Variants in PARVB observed in about 807,000 individuals in gnomAD.
PARVB encodes parvin beta.
Under a neutral mutation model 47.0 loss-of-function variants are expected in PARVB, and 46 were observed. That is an observed-to-expected ratio of 0.98 (90% CI 0.77 to 1.25). PARVB has a LOEUF of 1.25. PARVB is among the 50% of genes most tolerant of loss of function. PARVB has a pLI of 0.00. For missense variants in PARVB, 473 were observed against 471.6 expected (o/e 1.00, Z -0.03); for synonymous variants, 196 against 196.3 (o/e 1.00, Z 0.01).
intron 8 of PARVB, chr22:44,140,805 G>A (rs1198826287): frequency 1.7e-5 from 5 of 293,090 alleles, no homozygotes; most frequent in African/African-American, 1.1e-4. Flanking sequence ...GTTTTCAGTG[G>A]CTCTTCCCAA....
intron 1 of PARVB, among the ~76,000 whole-genome samples, chr22:44,032,722 C>G (rs1050726651): frequency 6.6e-6 from 1 of 152,160 alleles, no homozygotes; most frequent in African/African-American, 2.4e-5. Context: ...GAGTCCAGAG[C>G]TGGTACGTGG....
intron 8 of PARVB, chr22:44,146,044 G>A (rs1184020310): frequency 6.6e-6 from 1 of 152,092 alleles, no homozygotes; most frequent in East Asian, 1.9e-4. Flanking sequence ...TGGTCTTTAG[G>A]TGAAGAAAAC....
At chr22:44,111,098 G>A (rs1156403406) in intron 3 of PARVB, 1 of 150,896 alleles carries the variant, frequency 6.6e-6, no homozygotes, top group East Asian at 1.9e-4. Flanking sequence ...AGGCTTCTCT[G>A]TGTTTTTCAT....
chr22:44,042,353 G>A (rs767971354), intron 1 of PARVB, among the ~76,000 whole-genome samples: 9 of 151,988 alleles, frequency 5.9e-5, no homozygotes, highest in Admixed American at 5.2e-4. Flanking sequence ...CCCGGGTGGC[G>A]GAGGTTGCGG....
intron 4 of PARVB, among the ~76,000 whole-genome samples, chr22:44,121,210 G>A (rs114993429): frequency 0.022 from 3,329 of 152,040 alleles, 111 homozygotes; most frequent in African/African-American, 0.071. Flanking sequence ...TTGCTTTGTT[G>A]CCCAGGCCTG....
intron 1 of PARVB, among the ~76,000 whole-genome samples, chr22:44,043,037 A>G (rs1428353588): frequency 1.3e-5 from 2 of 152,212 alleles, no homozygotes; most frequent in African/African-American, 4.8e-5. Flanking sequence ...TAAGCAAACT[A>G]TGCTCCATCC....
intron 8 of PARVB, 153 bp from the exon 9 acceptor site, chr22:44,147,708 C>G (rs773199700): frequency 1.0e-5 from 8 of 777,514 alleles, no homozygotes; most frequent in Non-Finnish European, 1.6e-5. Flanking sequence ...AGGGTCAGCC[C>G]TTTCATTCTG....
chr22:44,101,594 A>G (rs2052449199), intron 3 of PARVB, among the ~76,000 whole-genome samples: 1 of 151,980 alleles, frequency 6.6e-6, no homozygotes, highest in Admixed American at 6.6e-5. Context: ...TACTAAAAAT[A>G]CAAAAAATTT....
At chr22:44,086,858 A>T in intron 1 of PARVB, 5 of 984,204 alleles carry the variant, frequency 5.1e-6, no homozygotes, top group Non-Finnish European at 6.0e-6. Flanking sequence ...GAAAGCTGTC[A>T]TTTCCTGGCA....
chr22:44,085,638 C>G (rs1231110245), intron 1 of PARVB, among the ~76,000 whole-genome samples: 2 of 152,226 alleles, frequency 1.3e-5, no homozygotes, highest in East Asian at 3.9e-4. Flanking sequence ...AATCTCAACA[C>G]CATGCTATGT....
intron 11 of PARVB, among the ~76,000 whole-genome samples, chr22:44,161,784 C>T (rs894904790): frequency 1.3e-5 from 2 of 152,228 alleles, no homozygotes; most frequent in Admixed American, 6.5e-5. Context: ...GCTCCCTGCT[C>T]TCTCCTTAGG....
intron 1 of PARVB, among the ~76,000 whole-genome samples, chr22:44,065,785 C>G (rs2051507093): frequency 6.6e-6 from 1 of 152,104 alleles, no homozygotes; most frequent in African/African-American, 2.4e-5. Context: ...CCATTTCCAT[C>G]CAGGTTACTG....
intron 1 of PARVB, among the ~76,000 whole-genome samples, chr22:44,034,771 T>G (rs2050890842): frequency 6.9e-6 from 1 of 143,906 alleles, no homozygotes; most frequent in Non-Finnish European, 1.5e-5. Context: ...AGTGCAGTGG[T>G]GCAATCTTGG....
chr22:44,036,777 G>A (rs2050930263), intron 1 of PARVB, among the ~76,000 whole-genome samples: 1 of 152,058 alleles, frequency 6.6e-6, no homozygotes, highest in African/African-American at 2.4e-5. Flanking sequence ...AGACCAGCCT[G>A]GGCAACATAG....
chr22:44,023,383 C>T (rs531576565), upstream of PARVB, among the ~76,000 whole-genome samples: 10 of 151,932 alleles, frequency 6.6e-5, no homozygotes, highest in Admixed American at 2.0e-4. Context: ...TGGTGGCGTG[C>T]ACCTGTAATC....
intron 3 of PARVB, 55 bp from the exon 4 acceptor site, chr22:44,118,983 G>T (rs151285544): frequency 0.018 from 21,475 of 1,207,834 alleles, 274 homozygotes; most frequent in Non-Finnish European, 0.021. Flanking sequence ...CCTGGTCACT[G>T]CCTCATTGCC....
chr22:44,082,514 G>A (rs1039617473), intron 1 of PARVB, among the ~76,000 whole-genome samples: 6 of 151,978 alleles, frequency 3.9e-5, no homozygotes, highest in African/African-American at 7.3e-5. Context: ...GCAAGAGTCC[G>A]TCTCAAAAAC....
chr22:44,094,383 T>C, intron 2 of PARVB, among the ~76,000 whole-genome samples: 1 of 151,498 alleles, frequency 6.6e-6, no homozygotes, highest in Non-Finnish European at 1.5e-5. Context: ...CGCCACACCA[T>C]GCCAAGCCAC....
intron 1 of PARVB, among the ~76,000 whole-genome samples, chr22:44,038,007 C>T (rs1041997229): frequency 3.3e-5 from 5 of 152,210 alleles, no homozygotes; most frequent in African/African-American, 7.2e-5. Context: ...ATGGGGTCTT[C>T]GTTTGCTTTC....
Sources: gnomAD v4.1 joint callset for allele counts (sites outside exome capture counted in the v4.1 genomes callset) on GRCh38, gnomAD v4.1.1 for gene constraint, MANE v1.5 for transcripts, NCBI Gene and HGNC (gene_info 2026-07-23, HGNC 2026-07-21) for gene names.